SUMF1: variants seen among roughly 807,000 people sequenced by gnomAD.
The protein encoded by SUMF1 is formylglycine-generating enzyme.
SUMF1 carries 48 observed loss-of-function variants against 47.6 expected under a neutral mutation model. The observed-to-expected ratio is 1.01, with a 90% CI of 0.80 to 1.28. SUMF1 has a LOEUF of 1.28. Ranked by LOEUF, SUMF1 falls within the 50% of genes most tolerant of loss-of-function variation. The pLI is 0.00. For synonymous variants in SUMF1, 230 were observed against 192.1 expected, an observed-to-expected ratio of 1.20 and a Z score of -1.63; for missense variants, 571 against 485.4, an observed-to-expected ratio of 1.18 and a Z score of -1.66.
At position 4,101,876 on chromosome 3, in the gene SUMF1, G is replaced by A. The variant is rs916135856; in HGVS notation, c.1015-33131C>T. On this transcript the variant is annotated intron_variant and NMD_transcript_variant, in intron 8 of 12. Transcript: ENST00000448413. ...ACTGGGTAATTTATAAAGGAAAGAGGTTTAATTGACTCACAGTTCCACATG... is the reference window on the plus strand; with the variant it reads ...ACTGGGTAATTTATAAAGGAAAGAGATTTAATTGACTCACAGTTCCACATG... Among the ~76,000 whole-genome samples the A allele has an allele frequency of 2.0e-5, 3 of 152,132 alleles. No individual in the cohort carries two copies. In the East Asian group the frequency reaches 5.8e-4, roughly 29 times the overall value.
chr3:4,387,111 A>T (rs982999615), intron 7 of SUMF1, among the ~76,000 whole-genome samples: 2 of 151,836 alleles, frequency 1.3e-5, no homozygotes, highest in African/African-American at 4.8e-5. Flanking sequence ...TAGCTTCGTA[A>T]AATGATTAGA....
chr3:4,454,303 GAAAATTTTCAGTT>G (rs1703079440), intron 1 of SUMF1, among the ~76,000 whole-genome samples: 1 of 152,150 alleles, frequency 6.6e-6, no homozygotes, highest in African/African-American at 2.4e-5. Context: ...GGATGACACT[GAAAATTTTCAGTT>G]AAAAAATGCA....
At chr3:4,232,825 A>G (rs77141084) in intron 8 of SUMF1, among the ~76,000 whole-genome samples, 4,603 of 152,182 alleles carry the variant, frequency 0.03, 101 homozygotes, top group African/African-American at 0.046. Flanking sequence ...TGGGATTCCA[A>G]TGCAGGTGTT....
At chr3:4,420,560 C>A (rs75637454) in intron 3 of SUMF1, among the ~76,000 whole-genome samples, 2,298 of 151,964 alleles carry the variant, frequency 0.015, 68 homozygotes, top group African/African-American at 0.053. Flanking sequence ...GCAAGCCCAG[C>A]GAATTTTTTG....
At chr3:4,328,979 AG>A (rs143906096) in intron 8 of SUMF1, among the ~76,000 whole-genome samples, 1,985 of 152,350 alleles carry the variant, frequency 0.013, 47 homozygotes, top group African/African-American at 0.045. Context: ...TCTGAAATCC[AG>A]CAGGGCAGCC....
intron 8 of SUMF1, 27 bp downstream of exon 8, chr3:4,376,303 G>A: frequency 5.6e-6 from 9 of 1,613,582 alleles, no homozygotes; most frequent in Middle Eastern, 1.6e-4. Context: ...AACAAGAACG[G>A]CAAAACAGTT....
At chr3:4,449,234 G>C in intron 3 of SUMF1, 32 bp downstream of exon 3, 1 of 1,612,480 alleles carries the variant, frequency 6.2e-7, no homozygotes, top group South Asian at 1.1e-5. Flanking sequence ...GAGCCTTAGA[G>C]AAATACAGGA....
intron 3 of SUMF1, among the ~76,000 whole-genome samples, chr3:4,435,584 T>C (rs1277827112): frequency 6.6e-6 from 1 of 152,128 alleles, no homozygotes; most frequent in Non-Finnish European, 1.5e-5. Context: ...TAAGAAAACA[T>C]GTCCAAATGC....
At chr3:4,409,123 GAGAGGGAAGGCA>G (rs1701463016) in intron 7 of SUMF1, among the ~76,000 whole-genome samples, 1 of 152,274 alleles carries the variant, frequency 6.6e-6, no homozygotes, top group South Asian at 2.1e-4. Flanking sequence ...ATGTGGCAAA[GAGAGGGAAGGCA>G]GGGAGCCCTC....
intron 8 of SUMF1, among the ~76,000 whole-genome samples, chr3:4,261,658 G>T (rs1697087951): frequency 6.6e-6 from 1 of 152,202 alleles, no homozygotes; most frequent in Non-Finnish European, 1.5e-5. Context: ...ACAGCTCAAT[G>T]GTCGCAGCAA....
chr3:4,444,423 G>C (rs941220766), intron 3 of SUMF1, among the ~76,000 whole-genome samples: 2 of 152,160 alleles, frequency 1.3e-5, no homozygotes, highest in Non-Finnish European at 2.9e-5. Context: ...AGCTAAAATG[G>C]AAAGAGTACT....
At chr3:4,049,003 C>A (rs1413075872) in intron 9 of SUMF1, among the ~76,000 whole-genome samples, 1 of 152,078 alleles carries the variant, frequency 6.6e-6, no homozygotes, top group African/African-American at 2.4e-5. Flanking sequence ...ATAAGATGAC[C>A]ACAGAAGAGT....
chr3:4,207,466 T>G (rs939268680), intron 8 of SUMF1, among the ~76,000 whole-genome samples: 7 of 152,160 alleles, frequency 4.6e-5, no homozygotes, highest in Admixed American at 2.0e-4. Context: ...TACCTGCAGC[T>G]CAGGTTGAAG....
chr3:4,097,081 G>A, intron 8 of SUMF1, among the ~76,000 whole-genome samples: 1 of 151,990 alleles, frequency 6.6e-6, no homozygotes, highest in Middle Eastern at 3.2e-3. Context: ...AAAACTTCTG[G>A]TTTAGTCAAC....
chr3:4,109,546 T>A (rs540658980), intron 8 of SUMF1, among the ~76,000 whole-genome samples: 1 of 152,276 alleles, frequency 6.6e-6, no homozygotes, highest in Non-Finnish European at 1.5e-5. Flanking sequence ...ATTCTTCCCA[T>A]CATTTTCAGG....
chr3:4,081,188 G>A lies in SUMF1; in HGVS notation c.1015-12443C>T, dbSNP rs115497749. Among the ~76,000 whole-genome samples the A allele has an allele frequency of 7.8e-4, 119 of 152,192 alleles. 1 individual carries two copies. Among genetic ancestry groups the A allele is most frequent in the African/African-American group, 2.7e-3 (111 of 41,476 alleles). Reference sequence around the variant, plus strand: ...GAGAAGAGCTGTTGCCTAAAGTAACGTTCACTGAGCAGGTCAGGACAGGAC... The same window carrying A: ...GAGAAGAGCTGTTGCCTAAAGTAACATTCACTGAGCAGGTCAGGACAGGAC... On this transcript the variant is annotated intron_variant and NMD_transcript_variant, in intron 8 of 12. Coordinates refer to the SUMF1 transcript ENST00000448413.
chr3:4,417,678 G>A (rs1430320481), intron 5 of SUMF1, among the ~76,000 whole-genome samples: 1 of 152,220 alleles, frequency 6.6e-6, no homozygotes, highest in Non-Finnish European at 1.5e-5. Context: ...ACATACCGCT[G>A]CTTCAGGAGA....
At chr3:4,324,784 A>G (rs1480776868) in intron 8 of SUMF1, among the ~76,000 whole-genome samples, 1 of 152,176 alleles carries the variant, frequency 6.6e-6, no homozygotes, top group Non-Finnish European at 1.5e-5. Context: ...TTAATTTCCC[A>G]AGCTCAACTT....
intron 8 of SUMF1, among the ~76,000 whole-genome samples, chr3:4,276,216 T>G (rs1428219079): frequency 1.3e-5 from 2 of 152,206 alleles, no homozygotes; most frequent in Non-Finnish European, 2.9e-5. Flanking sequence ...GATTAACTGC[T>G]GTGGGAATGG....
Sources: allele counts gnomAD v4.1 joint callset (sites outside exome capture counted in the v4.1 genomes callset), GRCh38; gene constraint gnomAD v4.1.1; transcripts MANE v1.5; gene names NCBI Gene and HGNC (gene_info 2026-07-23, HGNC 2026-07-21).